ZNF184: variants seen among roughly 807,000 people sequenced by gnomAD.
The protein encoded by ZNF184 is zinc finger protein 184.
In ZNF184, 16 loss-of-function variants were observed where a neutral mutation model predicts 54.4. The ratio of observed to expected loss-of-function variants is 0.29; its 90% CI spans 0.20 to 0.45. The LOEUF (loss-of-function observed/expected upper bound fraction) is 0.45. ZNF184 is among the 20% of genes least tolerant of loss of function. The probability of loss-of-function intolerance (pLI) is 1.00; values close to 1 mark genes in which losing one functional copy is unlikely to be tolerated. For synonymous variants in ZNF184, 254 were observed against 295.3 expected (o/e 0.86, Z 1.43); for missense variants, 681 against 888.2 (o/e 0.77, Z 2.97).
chr6:27,433,055 T>G, the ZNF184 span, among the ~76,000 whole-genome samples: 12 of 152,320 alleles, frequency 7.9e-5, no homozygotes, highest in South Asian at 1.9e-3. Flanking sequence ...TATAGATGAC[T>G]TCAACCCCAG....
chr6:27,434,874 A>G, the ZNF184 span, among the ~76,000 whole-genome samples: 2 of 152,168 alleles, frequency 1.3e-5, no homozygotes, highest in African/African-American at 4.8e-5. Context: ...TTTGCATATG[A>G]ACATGCAGTT....
chr6:27,457,027 C>T, intron 4 of ZNF184, 106 bp from the exon 5 acceptor site: 1 of 1,091,018 alleles, frequency 9.2e-7, no homozygotes, highest in Non-Finnish European at 1.3e-6. Flanking sequence ...TAGTAAAAAC[C>T]TGATGGGAGT....
At chr6:27,431,806 T>C in the ZNF184 span, among the ~76,000 whole-genome samples, 1 of 152,200 alleles carries the variant, frequency 6.6e-6, no homozygotes, top group Non-Finnish European at 1.5e-5. Context: ...AGGACTCACA[T>C]TGGGGTGCTG....
chr6:27,436,536 A>T, the ZNF184 span, among the ~76,000 whole-genome samples: 1 of 152,194 alleles, frequency 6.6e-6, no homozygotes, highest in Admixed American at 6.5e-5. Flanking sequence ...GAAGGCGATC[A>T]TGTAATTTTT....
chr6:27,447,027 C>T (rs566948014), downstream of ZNF184, among the ~76,000 whole-genome samples: 121 of 149,322 alleles, frequency 8.1e-4, no homozygotes, highest in Non-Finnish European at 1.4e-3. Flanking sequence ...TGCCTGTAAT[C>T]CCAGCTACTC....
the ZNF184 span, among the ~76,000 whole-genome samples, chr6:27,438,653 G>A: frequency 6.6e-6 from 1 of 152,102 alleles, no homozygotes; most frequent in Admixed American, 6.5e-5. Context: ...TGCAAACCAA[G>A]TAACTTGAAA....
chr6:27,451,235 T>G lies in ZNF184; in HGVS notation c.*68A>C. On this transcript the variant is annotated 3_prime_UTR_variant, in exon 6 of 6. Transcript: ENST00000683788. The stretch of plus-strand genomic sequence containing the variant: ...GCAGTTTCTAAATCCACTCTGATTC[T>G]TCAGTACTTAACAAAAGGACAAACT... The G allele has an allele frequency of 2.7e-6, 4 of 1,499,856 alleles. No homozygotes were observed. The highest frequency in any genetic ancestry group is 2.7e-6 in the Non-Finnish European group (3 of 1,121,606). The allele number at this position is 1,499,856 out of a possible 1,614,324, so 92.9% of individuals were successfully genotyped here.
intron 2 of ZNF184, 69 bp from the exon 3 acceptor site, chr6:27,467,989 A>G: frequency 8.1e-7 from 1 of 1,238,902 alleles, no homozygotes. Flanking sequence ...CATAAATTCC[A>G]TTTACTCTTC....
chr6:27,405,743 C>A, the ZNF184 span: 2 of 152,304 alleles, frequency 1.3e-5, no homozygotes, highest in Non-Finnish European at 2.9e-5. Context: ...TGTAACCCAT[C>A]CAGCCACGCT....
the ZNF184 span, among the ~76,000 whole-genome samples, chr6:27,424,263 A>G: frequency 6.6e-6 from 1 of 152,170 alleles, no homozygotes; most frequent in East Asian, 1.9e-4. Flanking sequence ...TTTTGTGATG[A>G]CTTTTACAGC....
chr6:27,451,114 CTAATGT>C lies in ZNF184; in HGVS notation c.*183_*188del. The C allele has an allele frequency of 1.8e-6, 1 of 552,012 alleles. No individual in the cohort carries two copies. Among genetic ancestry groups the C allele is most frequent in the East Asian group, 3.1e-5 (1 of 31,916 alleles). The allele number at this position is 552,012 out of a possible 1,614,324, so 34.2% of individuals were successfully genotyped here. A position where few individuals can be genotyped will look rare whatever the true frequency, so the allele number is the denominator to read the frequency against. On this transcript the variant is annotated 3_prime_UTR_variant, in exon 6 of 6. Transcript: ENST00000683788. ...CTAAAGCTTAAAACAGTAGAGTTTT[CTAATGT>C]CACAGAGTGGCTTAATAACAATTGG...
chr6:27,451,392 C>A lies in ZNF184; in HGVS notation c.2167G>T (p.Glu723Ter), dbSNP rs201499940. Reference protein sequence around the residue: ...LIQHQRIHSGEKPFGCNDCGK... With the variant: ...LIQHQRIHSG ...CAATCATTACATCCAAAAGGCTTCT[C>A]TCCTGAATGAATTCTCTGGTGCTGA... The change falls in exon 6 of 6, where the codon GAG becomes TAG. Residue 723 changes from glutamate to a stop codon, truncating the protein, a stop_gained. Coordinates refer to ENST00000683788, the MANE Select transcript of ZNF184 (RefSeq NM_001318891.2). LOFTEE classifies it high-confidence loss of function. 2 of 1,614,142 alleles carry A rather than the reference C, an allele frequency of 1.2e-6. No homozygotes were observed. Among genetic ancestry groups the A allele is most frequent in the African/African-American group, 2.7e-5 (2 of 75,050 alleles).
At chr6:27,458,489 T>G (rs1251231777) in intron 3 of ZNF184, among the ~76,000 whole-genome samples, 4 of 151,342 alleles carry the variant, frequency 2.6e-5, no homozygotes, top group Admixed American at 2.6e-4. Context: ...AAAGAAGACA[T>G]ATAAACACCC....
At chr6:27,431,424 C>T in the ZNF184 span, among the ~76,000 whole-genome samples, 1 of 152,198 alleles carries the variant, frequency 6.6e-6, no homozygotes, top group Non-Finnish European at 1.5e-5. Flanking sequence ...ATGTCTCTGA[C>T]CTTTCTTTTG....
At chr6:27,422,734 C>T in the ZNF184 span, among the ~76,000 whole-genome samples, 1 of 152,164 alleles carries the variant, frequency 6.6e-6, no homozygotes, top group Non-Finnish European at 1.5e-5. Context: ...ACTATGAACG[C>T]CATACAGTTA....
the ZNF184 span, among the ~76,000 whole-genome samples, chr6:27,431,541 C>G: frequency 6.6e-6 from 1 of 152,064 alleles, no homozygotes; most frequent in African/African-American, 2.4e-5. Context: ...TGATTTTTTT[C>G]TCAGCATTAA....
At chr6:27,468,687 TAAGA>T (rs1276181067) in intron 2 of ZNF184, among the ~76,000 whole-genome samples, 1 of 152,180 alleles carries the variant, frequency 6.6e-6, no homozygotes, top group African/African-American at 2.4e-5. Context: ...TTCCAAAATA[TAAGA>T]AAGAGCTACT....
chr6:27,423,854 T>C, the ZNF184 span, among the ~76,000 whole-genome samples: 1 of 152,372 alleles, frequency 6.6e-6, no homozygotes, highest in Admixed American at 6.5e-5. Context: ...TACAATGTAA[T>C]TTTGAATTCT....
chr6:27,423,959 A>G, the ZNF184 span, among the ~76,000 whole-genome samples: 1 of 151,954 alleles, frequency 6.6e-6, no homozygotes, highest in Non-Finnish European at 1.5e-5. Flanking sequence ...TTGTAAAATT[A>G]TTTTATTAGT....
Sources: allele counts gnomAD v4.1 joint callset (sites outside exome capture counted in the v4.1 genomes callset), GRCh38; gene constraint gnomAD v4.1.1; transcripts MANE v1.5; gene names NCBI Gene and HGNC (gene_info 2026-07-23, HGNC 2026-07-21).